Variants in TSC22D1 observed in about 807,000 individuals in gnomAD.
TSC22D1 encodes the protein TSC22 domain family member 1.
In TSC22D1, 9 loss-of-function variants were observed where a neutral mutation model predicts 74.2. The ratio of observed to expected loss-of-function variants is 0.12; its 90% CI spans 0.07 to 0.21. The LOEUF is 0.21. Among genes scored for constraint, TSC22D1 ranks in the 10% least tolerant of loss-of-function variants. The probability of loss-of-function intolerance (pLI) is 1.00; values close to 1 mark genes in which losing one functional copy is unlikely to be tolerated. For missense variants in TSC22D1, 1,427 were observed against 1,304.7 expected (o/e 1.09, Z -1.44); for synonymous variants, 586 against 492.5 (o/e 1.19, Z -2.51).
intron 1 of TSC22D1, 125 bp downstream of exon 1, chr13:44,573,038 A>G (rs1883878350): frequency 3.6e-6 from 5 of 1,381,790 alleles, no homozygotes; most frequent in Non-Finnish European, 4.8e-6. Context: ...TTCCCATAAA[A>G]ATGCATTTTT....
chr13:44,455,665 GCT>G (rs1233071890), intron 1 of TSC22D1, among the ~76,000 whole-genome samples: 1 of 152,174 alleles, frequency 6.6e-6, no homozygotes, highest in Admixed American at 6.5e-5. Flanking sequence ...TGCAATGATA[GCT>G]CTTTTTTGAG....
chr13:44,531,011 T>C (rs1288650006), intron 1 of TSC22D1, among the ~76,000 whole-genome samples: 2 of 152,192 alleles, frequency 1.3e-5, no homozygotes, highest in Non-Finnish European at 2.9e-5. Context: ...AAAGGACATT[T>C]CTAGGTCAAA....
intron 1 of TSC22D1, among the ~76,000 whole-genome samples, chr13:44,444,043 T>C (rs1054643503): frequency 3.3e-5 from 5 of 151,706 alleles, no homozygotes; most frequent in African/African-American, 1.2e-4. Context: ...TCCCAGCACT[T>C]TGGGAGGCCC....
chr13:44,435,736 G>C (rs986802582), intron 2 of TSC22D1: 4 of 440,214 alleles, frequency 9.1e-6, no homozygotes, highest in Non-Finnish European at 1.7e-5. Context: ...CTCACGACCA[G>C]CCGAAGGAGA....
At chr13:44,443,139 T>A (rs1321713481) in intron 1 of TSC22D1, among the ~76,000 whole-genome samples, 1 of 151,808 alleles carries the variant, frequency 6.6e-6, no homozygotes, top group African/African-American at 2.4e-5. Flanking sequence ...ACAAGAGAAT[T>A]GTGAAGAAGT....
intron 1 of TSC22D1, among the ~76,000 whole-genome samples, chr13:44,498,720 C>T (rs1175242): frequency 0.98 from 149,587 of 152,236 alleles, 73,523 homozygotes; most frequent in Non-Finnish European, 1. Context: ...ACCTGATCCT[C>T]AGTAGTGAGG....
At chr13:44,572,113 C>T (rs1883810536) in intron 1 of TSC22D1, among the ~76,000 whole-genome samples, 1 of 152,016 alleles carries the variant, frequency 6.6e-6, no homozygotes, top group African/African-American at 2.4e-5. Context: ...CAAATTCCAC[C>T]GTGAAAATGA....
At chr13:44,567,838 G>T (rs1566180279) in intron 1 of TSC22D1, among the ~76,000 whole-genome samples, 1 of 152,074 alleles carries the variant, frequency 6.6e-6, no homozygotes, top group Non-Finnish European at 1.5e-5. Context: ...AACTGAAAGG[G>T]TTCACCAAGT....
At chr13:44,462,065 G>T (rs780804924) in intron 1 of TSC22D1, among the ~76,000 whole-genome samples, 1 of 152,134 alleles carries the variant, frequency 6.6e-6, no homozygotes, top group Non-Finnish European at 1.5e-5. Flanking sequence ...GGAGATAAAT[G>T]ATTTTAAAAG....
At position 44,434,663 on chromosome 13, in the gene TSC22D1, G is replaced by A. The variant is rs1256258327; in HGVS notation, c.3185C>T (p.Ala1062Val). The A allele has an allele frequency of 6.3e-7, 1 of 1,595,480 alleles. No individual in the cohort carries two copies. The highest frequency in any genetic ancestry group is 2.2e-5 in the East Asian group (1 of 44,776). Reference sequence around the variant, plus strand: ...TCCTGAGCCCTGCGATGCTGGCTGGGCGGGGGGCTGTGTGGTGCCCTGTGG... The same window carrying A: ...TCCTGAGCCCTGCGATGCTGGCTGGACGGGGGGCTGTGTGGTGCCCTGTGG... ...TQPQGTTQPP[A>V]QPASQGSGPT... Residue 1062 changes from alanine to valine, a missense_variant, in exon 3 of 3, where the codon GCC becomes GTC. Physicochemically the swap from Ala to Val is moderately conservative, Grantham distance 64 (BLOSUM62 0). Around this residue, in one of 3 missense-constraint regions of TSC22D1, gnomAD observed 63 missense variants for 50.5 expected, o/e 1.25. Coordinates refer to ENST00000458659, the MANE Select transcript of TSC22D1 (RefSeq NM_183422.4).
At chr13:44,512,390 C>G (rs906236207) in intron 1 of TSC22D1, among the ~76,000 whole-genome samples, 1 of 151,856 alleles carries the variant, frequency 6.6e-6, no homozygotes, top group South Asian at 2.1e-4. Context: ...AGGATGGTCT[C>G]GATCTCCTGA....
chr13:44,527,209 T>C (rs915119527), intron 1 of TSC22D1, among the ~76,000 whole-genome samples: 4 of 152,040 alleles, frequency 2.6e-5, no homozygotes, highest in South Asian at 4.1e-4. Context: ...AAGGAAAATA[T>C]AGGTTACCGA....
intron 1 of TSC22D1, among the ~76,000 whole-genome samples, chr13:44,527,726 A>G (rs1880616241): frequency 6.6e-6 from 1 of 152,180 alleles, no homozygotes; most frequent in South Asian, 2.1e-4. Context: ...CAGCTTAAAT[A>G]CACCAATTAA....
At chr13:44,454,561 A>G (rs1224144489) in intron 1 of TSC22D1, among the ~76,000 whole-genome samples, 1 of 141,122 alleles carries the variant, frequency 7.1e-6, no homozygotes, top group Non-Finnish European at 1.6e-5. Context: ...TAGTTACTAT[A>G]TTTACTATGT....
intron 1 of TSC22D1, among the ~76,000 whole-genome samples, chr13:44,543,240 A>G (rs1314457903): frequency 6.6e-6 from 1 of 152,196 alleles, no homozygotes; most frequent in African/African-American, 2.4e-5. Context: ...TCAATATTAA[A>G]TTATGAAATG....
intron 1 of TSC22D1, among the ~76,000 whole-genome samples, chr13:44,516,577 TTC>T (rs1263242910): frequency 6.6e-6 from 1 of 152,076 alleles, no homozygotes; most frequent in African/African-American, 2.4e-5. Context: ...TAAAGAAATA[TTC>T]TTTTTATGGG....
At chr13:44,559,551 G>A (rs1410185378) in intron 1 of TSC22D1, among the ~76,000 whole-genome samples, 1 of 151,994 alleles carries the variant, frequency 6.6e-6, no homozygotes, top group South Asian at 2.1e-4. Context: ...TTGAGACAGG[G>A]TCTCACTTGG....
chr13:44,553,382 A>G (rs1238571123), intron 1 of TSC22D1, among the ~76,000 whole-genome samples: 1 of 152,220 alleles, frequency 6.6e-6, no homozygotes. Context: ...TATTAGAAAA[A>G]AACTAGTTTT....
intron 1 of TSC22D1, among the ~76,000 whole-genome samples, chr13:44,473,321 C>A (rs1170963647): frequency 6.6e-6 from 1 of 151,876 alleles, no homozygotes; most frequent in African/African-American, 2.4e-5. Context: ...ATGGTGAAAA[C>A]CCATCTCTAC....
Sources: gnomAD v4.1 joint callset for allele counts (sites outside exome capture counted in the v4.1 genomes callset) on GRCh38, gnomAD v4.1.1 for gene constraint, gnomAD v4.1.1 regional missense constraint, MANE v1.5 for transcripts, NCBI Gene and HGNC (gene_info 2026-07-23, HGNC 2026-07-21) for gene names.